CCSER1: variants seen among roughly 807,000 people sequenced by gnomAD.
CCSER1 encodes coiled-coil serine rich protein 1.
Under a neutral mutation model 82.0 loss-of-function variants are expected in CCSER1, and 41 were observed. The ratio of observed to expected loss-of-function variants is 0.50; its 90% CI spans 0.39 to 0.65. The LOEUF is 0.65. Ranked by LOEUF, CCSER1 falls within the 30% of genes least tolerant of loss-of-function variation. The pLI is 0.00. For synonymous variants in CCSER1, 414 were observed against 383.9 expected, an observed-to-expected ratio of 1.08 and a Z score of -0.92; for missense variants, 1,119 against 1,064.2, an observed-to-expected ratio of 1.05 and a Z score of -0.72.
intron 7 of CCSER1, chr4:90,781,890 A>G: frequency 2.2e-6 from 2 of 926,274 alleles, no homozygotes; most frequent in Non-Finnish European, 2.6e-6. Flanking sequence ...AATGATTGTG[A>G]TGTACCTTAC....
intron 8 of CCSER1, among the ~76,000 whole-genome samples, chr4:90,910,656 G>A (rs1726191667): frequency 6.6e-6 from 1 of 152,126 alleles, no homozygotes; most frequent in Non-Finnish European, 1.5e-5. Flanking sequence ...GTAGCATAAG[G>A]CTGAATAAAA....
chr4:91,271,702 TATAC>T (rs1391922264), intron 10 of CCSER1, among the ~76,000 whole-genome samples: 2 of 151,700 alleles, frequency 1.3e-5, no homozygotes, highest in African/African-American at 2.4e-5. Flanking sequence ...ATATATATGA[TATAC>T]ATATATACAT....
rs562575570 is a variant in CCSER1 at position 90,918,589 on chromosome 4, A to G, written c.2095-4781A>G. On this transcript the variant is annotated intron_variant, in intron 8 of 10. Coordinates refer to ENST00000509176, the MANE Select transcript of CCSER1 (RefSeq NM_001145065.2). ...ATGCGCACGTGCAAATGAAAAAAAC[A>G]TGGATATATTTGTAGTACCTATTAT... is the stretch of plus-strand genomic sequence containing the variant. Among the ~76,000 whole-genome samples, 271 of 151,362 alleles carry G rather than the reference A, an allele frequency of 1.8e-3. 3 individuals carry two copies. The highest frequency in any genetic ancestry group is 6.3e-4 in the Non-Finnish European group (43 of 67,832).
chr4:90,196,006 G>A (rs1009578507), intron 1 of CCSER1, among the ~76,000 whole-genome samples: 2 of 151,366 alleles, frequency 1.3e-5, no homozygotes, highest in Non-Finnish European at 2.9e-5. Context: ...CTTTGTTCTC[G>A]TATGCTAACA....
intron 5 of CCSER1, among the ~76,000 whole-genome samples, chr4:90,503,975 T>C (rs1291132120): frequency 6.6e-6 from 1 of 152,096 alleles, no homozygotes; most frequent in Non-Finnish European, 1.5e-5. Flanking sequence ...ACATGATCCT[T>C]TCTCATATAA....
At position 90,308,961 on chromosome 4, in the gene CCSER1, C is replaced by T. The variant is rs775534176; in HGVS notation, c.677C>T (p.Ala226Val). The change falls in exon 2 of 11, where the codon GCT becomes GTT. Residue 226 changes from alanine (A) to valine (V), a missense_variant. By Grantham distance (64) the Ala-to-Val change is moderately conservative (BLOSUM62 0). Coordinates refer to ENST00000509176, the MANE Select transcript of CCSER1 (RefSeq NM_001145065.2). ...GAGAGAGAACCTGTATTAGTAAGAG[C>T]TTCGCCATCCTGTTCTGTGGATGTA... ...YQEREPVLVR[A>V]SPSCSVDVTE... 3.7e-6 allele frequency: 6 copies of T among 1,613,766 alleles called. No homozygotes were observed. The highest frequency in any genetic ancestry group is 5.1e-6 in the Non-Finnish European group (6 of 1,179,846).
intron 8 of CCSER1, among the ~76,000 whole-genome samples, chr4:90,862,907 C>CTTT (rs548953621): frequency 0.072 from 8,802 of 121,894 alleles, 367 homozygotes; most frequent in Admixed American, 0.12. Context: ...TATTTTTTGT[C>CTTT]TTTTTTTTTT....
At chr4:90,828,693 T>C (rs944314860) in intron 8 of CCSER1, among the ~76,000 whole-genome samples, 12 of 152,188 alleles carry the variant, frequency 7.9e-5, no homozygotes, top group African/African-American at 2.9e-4. Context: ...AAATGTGGCT[T>C]TATCATTACT....
chr4:90,865,183 G>A (rs1336519286), intron 8 of CCSER1, among the ~76,000 whole-genome samples: 1 of 151,972 alleles, frequency 6.6e-6, no homozygotes, highest in Non-Finnish European at 1.5e-5. Flanking sequence ...GGCTTGCTCA[G>A]TTGCCTAAAG....
intron 1 of CCSER1, among the ~76,000 whole-genome samples, chr4:90,299,581 C>T (rs1032919937): frequency 3.9e-5 from 6 of 152,078 alleles, no homozygotes; most frequent in Admixed American, 2.6e-4. Context: ...CTCATATTCT[C>T]CTCACTGACC....
At chr4:90,243,788 C>G (rs1219132990) in intron 1 of CCSER1, among the ~76,000 whole-genome samples, 1 of 151,808 alleles carries the variant, frequency 6.6e-6, no homozygotes, top group Non-Finnish European at 1.5e-5. Flanking sequence ...CATAAATAAG[C>G]AGGGTGAATA....
intron 6 of CCSER1, among the ~76,000 whole-genome samples, chr4:90,665,470 C>A (rs1049536626): frequency 1.3e-5 from 2 of 151,960 alleles, no homozygotes; most frequent in East Asian, 3.9e-4. Flanking sequence ...TACAGGCACC[C>A]GCCACCTCGC....
At chr4:91,543,331 T>C (rs1304966791) in intron 10 of CCSER1, among the ~76,000 whole-genome samples, 1 of 152,204 alleles carries the variant, frequency 6.6e-6, no homozygotes. Flanking sequence ...TGTGTGAATT[T>C]GTTCCTGTCA....
At chr4:90,907,623 A>T (rs898403172) in intron 8 of CCSER1, among the ~76,000 whole-genome samples, 3 of 152,164 alleles carry the variant, frequency 2.0e-5, no homozygotes, top group African/African-American at 7.2e-5. Context: ...AGAAATTCTA[A>T]TCTGCGTATG....
chr4:90,552,643 A>G (rs144578453), intron 5 of CCSER1, among the ~76,000 whole-genome samples: 34 of 152,024 alleles, frequency 2.2e-4, no homozygotes, highest in African/African-American at 5.1e-4. Flanking sequence ...TTTTGATGGA[A>G]ATGGGTTTTT....
chr4:91,210,469 A>G (rs1021553700), intron 10 of CCSER1, among the ~76,000 whole-genome samples: 2 of 151,646 alleles, frequency 1.3e-5, no homozygotes, highest in Non-Finnish European at 3.0e-5. Context: ...AGTTAATTAA[A>G]TGATCAAACT....
At chr4:91,381,903 A>T (rs1263255491) in intron 10 of CCSER1, among the ~76,000 whole-genome samples, 8 of 152,076 alleles carry the variant, frequency 5.3e-5, no homozygotes, top group Non-Finnish European at 5.9e-5. Context: ...GATGATGGTG[A>T]TGTACAGATG....
At chr4:91,554,276 G>C (rs912404066) in intron 10 of CCSER1, among the ~76,000 whole-genome samples, 1 of 151,170 alleles carries the variant, frequency 6.6e-6, no homozygotes, top group Non-Finnish European at 1.5e-5. Context: ...TATTAAACTT[G>C]TTAAAGCTTT....
intron 1 of CCSER1, among the ~76,000 whole-genome samples, chr4:90,178,486 GTTGTGAAGGCT>G (rs1378416610): frequency 5.9e-5 from 9 of 151,940 alleles, no homozygotes; most frequent in African/African-American, 2.2e-4. Context: ...TTTGTTTGAA[GTTGTGAAGGCT>G]TTGCTGGAAA....
Sources: gnomAD v4.1 joint callset for allele counts (sites outside exome capture counted in the v4.1 genomes callset) on GRCh38, gnomAD v4.1.1 for gene constraint, MANE v1.5 for transcripts, NCBI Gene and HGNC (gene_info 2026-07-23, HGNC 2026-07-21) for gene names.